PDE4D: variants seen among roughly 807,000 people sequenced by gnomAD.
PDE4D encodes the protein phosphodiesterase 4D, also known as 3',5'-cyclic-AMP phosphodiesterase 4D.
In PDE4D, 24 loss-of-function variants were observed where a neutral mutation model predicts 87.4. The ratio of observed to expected loss-of-function variants is 0.27; its 90% CI spans 0.20 to 0.39. PDE4D has a LOEUF of 0.39. Ranked by LOEUF, PDE4D falls within the 10% of genes least tolerant of loss-of-function variation. PDE4D has a pLI of 1.00. For synonymous variants in PDE4D, 384 were observed against 383.2 expected, an observed-to-expected ratio of 1.00 and a Z score of -0.02; for missense variants, 714 against 1,041.0, an observed-to-expected ratio of 0.69 and a Z score of 4.32.
chr5:59,449,818 C>T (rs1798876564), intron 1 of PDE4D, among the ~76,000 whole-genome samples: 1 of 151,980 alleles, frequency 6.6e-6, no homozygotes, highest in Admixed American at 6.6e-5. Flanking sequence ...CATTCCCAAT[C>T]TCCACTACAA....
At chr5:59,781,839 G>A (rs927104013) in intron 1 of PDE4D, among the ~76,000 whole-genome samples, 4 of 146,754 alleles carry the variant, frequency 2.7e-5, no homozygotes, top group African/African-American at 7.6e-5. Context: ...TGTGGCGTAT[G>A]CTGATTTCCA....
At chr5:60,475,008 T>A (rs1748198408) in intron 1 of PDE4D, among the ~76,000 whole-genome samples, 1 of 152,130 alleles carries the variant, frequency 6.6e-6, no homozygotes, top group Non-Finnish European at 1.5e-5. Context: ...TAAGAAAAAA[T>A]AAATTTAAGC....
chr5:59,964,988 A>C (rs1339262204), intron 3 of PDE4D, among the ~76,000 whole-genome samples: 1 of 152,184 alleles, frequency 6.6e-6, no homozygotes, highest in African/African-American at 2.4e-5. Context: ...CATACTAAGA[A>C]AAATTAAAGT....
intron 5 of PDE4D, chr5:59,157,041 C>A: frequency 1.7e-5 from 5 of 298,860 alleles, no homozygotes; most frequent in South Asian, 1.4e-4. Flanking sequence ...AAAATAAAGC[C>A]ACATGTATGT....
At chr5:59,634,492 C>T (rs1258151718) in intron 1 of PDE4D, among the ~76,000 whole-genome samples, 1 of 152,102 alleles carries the variant, frequency 6.6e-6, no homozygotes, top group African/African-American at 2.4e-5. Context: ...GGAAATAAAA[C>T]ACTCCTCAGC....
chr5:59,737,998 T>A (rs574935203), intron 1 of PDE4D, among the ~76,000 whole-genome samples: 1 of 152,288 alleles, frequency 6.6e-6, no homozygotes, highest in South Asian at 2.1e-4. Context: ...TATCAGTTCG[T>A]ATTATACATT....
intron 1 of PDE4D, among the ~76,000 whole-genome samples, chr5:59,589,338 T>C (rs1323884639): frequency 5.9e-5 from 9 of 152,198 alleles, no homozygotes; most frequent in Admixed American, 5.9e-4. Flanking sequence ...TTAAGACATT[T>C]ATTATGCCCA....
chr5:59,793,036 G>A (rs1056551926), intron 1 of PDE4D, among the ~76,000 whole-genome samples: 3 of 152,202 alleles, frequency 2.0e-5, no homozygotes, highest in African/African-American at 7.2e-5. Flanking sequence ...ATTGAGTTCA[G>A]TGGCAAGACA....
intron 2 of PDE4D, among the ~76,000 whole-genome samples, chr5:60,090,787 C>T (rs1259553279): frequency 6.6e-6 from 1 of 152,130 alleles, no homozygotes; most frequent in Non-Finnish European, 1.5e-5. Context: ...CCTAAAGACT[C>T]AACCAAAACC....
chr5:59,350,304 G>A (rs1261548116), intron 1 of PDE4D, among the ~76,000 whole-genome samples: 1 of 152,040 alleles, frequency 6.6e-6, no homozygotes, highest in Non-Finnish European at 1.5e-5. Context: ...GATGGCATAT[G>A]TATTGAAGTG....
chr5:59,820,085 G>A (rs1769456319), intron 1 of PDE4D, among the ~76,000 whole-genome samples: 1 of 152,162 alleles, frequency 6.6e-6, no homozygotes, highest in Non-Finnish European at 1.5e-5. Flanking sequence ...ATCCCACAGG[G>A]ATGATGAAGA....
At chr5:60,520,971 C>G (rs1486047488) in intron 1 of PDE4D, 1 of 152,506 alleles carries the variant, frequency 6.6e-6, no homozygotes, top group East Asian at 1.9e-4. Context: ...ACCTCCATCA[C>G]CAGCTTCTTC....
intron 1 of PDE4D, among the ~76,000 whole-genome samples, chr5:60,454,347 T>C (rs922424709): frequency 1.3e-5 from 2 of 152,110 alleles, no homozygotes; most frequent in Non-Finnish European, 2.9e-5. Context: ...GATACACGCA[T>C]GCGTATGTTT....
intron 1 of PDE4D, among the ~76,000 whole-genome samples, chr5:60,516,868 C>A (rs1375614365): frequency 1.3e-5 from 2 of 152,198 alleles, no homozygotes; most frequent in African/African-American, 2.4e-5. Flanking sequence ...GCTGCACATT[C>A]CATGGAGCTG....
chr5:59,458,822 G>C (rs1800309143), intron 1 of PDE4D, among the ~76,000 whole-genome samples: 1 of 152,154 alleles, frequency 6.6e-6, no homozygotes. Flanking sequence ...CTGATTGCTT[G>C]CACTTACATG....
intron 1 of PDE4D, among the ~76,000 whole-genome samples, chr5:59,318,553 C>T (rs1422931691): frequency 2.0e-5 from 3 of 151,728 alleles, no homozygotes; most frequent in African/African-American, 7.3e-5. Flanking sequence ...ACAAAAGAAG[C>T]CATTTTTTAA....
intron 1 of PDE4D, among the ~76,000 whole-genome samples, chr5:59,846,419 G>C (rs1003740758): frequency 6.6e-6 from 1 of 152,072 alleles, no homozygotes; most frequent in South Asian, 2.1e-4. Flanking sequence ...CGGGATGCTT[G>C]TGTTAATGTT....
intron 1 of PDE4D, among the ~76,000 whole-genome samples, chr5:59,668,845 GGAA>G (rs1208323931): frequency 0.035 from 2,158 of 61,296 alleles, 11 homozygotes; most frequent in Middle Eastern, 0.072. Context: ...AAGAGGAAGA[GGAA>G]GAAGAAGAAG....
chr5:59,546,190 G>T (rs1817236303), intron 1 of PDE4D, among the ~76,000 whole-genome samples: 1 of 152,056 alleles, frequency 6.6e-6, no homozygotes, highest in Admixed American at 6.6e-5. Context: ...TCATAGAAAT[G>T]TTAAATCTCT....
Sources: allele counts gnomAD v4.1 joint callset (sites outside exome capture counted in the v4.1 genomes callset), GRCh38; gene constraint gnomAD v4.1.1; transcripts MANE v1.5; gene names NCBI Gene and HGNC (gene_info 2026-07-23, HGNC 2026-07-21).